SPAG16: variants seen among roughly 807,000 people sequenced by gnomAD.
The protein encoded by SPAG16 is sperm-associated antigen 16 protein.
A neutral mutation model predicts 80.4 loss-of-function variants in SPAG16; 86 were observed. The ratio of observed to expected loss-of-function variants is 1.07; its 90% CI spans 0.90 to 1.28. SPAG16 has a LOEUF of 1.28. SPAG16 is among the 50% of genes most tolerant of loss of function. The probability of loss-of-function intolerance (pLI) is 0.00; values close to 1 mark genes in which losing one functional copy is unlikely to be tolerated. For missense variants in SPAG16, 870 were observed against 765.3 expected (o/e 1.14, Z -1.61); for synonymous variants, 294 against 265.9 (o/e 1.11, Z -1.03).
intron 10 of SPAG16, among the ~76,000 whole-genome samples, chr2:213,577,711 A>G (rs2060175252): frequency 1.3e-5 from 2 of 152,242 alleles, no homozygotes; most frequent in African/African-American, 2.4e-5. Context: ...ATTTTATTCA[A>G]GGTAAGGCAA....
intron 4 of SPAG16, among the ~76,000 whole-genome samples, chr2:213,311,335 A>T (rs1456245758): frequency 1.3e-5 from 2 of 151,776 alleles, no homozygotes; most frequent in African/African-American, 4.8e-5. Context: ...AAAGTGAAAG[A>T]TTAATATGAT....
chr2:214,387,915 G>T (rs1700851562), intron 15 of SPAG16, among the ~76,000 whole-genome samples: 1 of 152,076 alleles, frequency 6.6e-6, no homozygotes, highest in Non-Finnish European at 1.5e-5. Flanking sequence ...TTCAAGATGA[G>T]ATTTGGGTGG....
At chr2:214,086,603 ACCGTGATTATGTTT>A (rs1213275027) in intron 13 of SPAG16, among the ~76,000 whole-genome samples, 1 of 152,032 alleles carries the variant, frequency 6.6e-6, no homozygotes, top group African/African-American at 2.4e-5. Flanking sequence ...GATGCCTTCC[ACCGTGATTATGTTT>A]CCTGAGGCCT....
intron 12 of SPAG16, among the ~76,000 whole-genome samples, chr2:213,985,928 T>C (rs1458780997): frequency 6.6e-6 from 1 of 152,072 alleles, no homozygotes; most frequent in African/African-American, 2.4e-5. Flanking sequence ...TGCTATATTC[T>C]ATGTCATGGA....
chr2:213,653,645 A>G (rs1385812895), intron 10 of SPAG16, among the ~76,000 whole-genome samples: 1 of 152,224 alleles, frequency 6.6e-6, no homozygotes, highest in African/African-American at 2.4e-5. Context: ...ATAGTGGCAA[A>G]TTGTAAGAAA....
chr2:213,345,912 G>T (rs1178938379), intron 6 of SPAG16, among the ~76,000 whole-genome samples: 4 of 152,098 alleles, frequency 2.6e-5, no homozygotes, highest in African/African-American at 9.7e-5. Context: ...TTCCAGTTCT[G>T]TGAAGAAAGT....
At chr2:213,974,573 G>T (rs906096070) in intron 12 of SPAG16, among the ~76,000 whole-genome samples, 3 of 151,838 alleles carry the variant, frequency 2.0e-5, no homozygotes, top group Admixed American at 6.6e-5. Context: ...TTTAGAATCC[G>T]CAATACAAAT....
At chr2:213,538,665 T>G (rs1415080148) in intron 10 of SPAG16, among the ~76,000 whole-genome samples, 1 of 152,150 alleles carries the variant, frequency 6.6e-6, no homozygotes. Context: ...TCTTATCTTT[T>G]TTTCTCCTTT....
intron 10 of SPAG16, among the ~76,000 whole-genome samples, chr2:213,620,506 A>G (rs1451824681): frequency 6.6e-6 from 1 of 151,736 alleles, no homozygotes; most frequent in Non-Finnish European, 1.5e-5. Flanking sequence ...GTTAGCCAGG[A>G]TGGTCTCGAT....
intron 9 of SPAG16, among the ~76,000 whole-genome samples, chr2:213,384,769 A>T (rs757494824): frequency 1.1e-4 from 16 of 152,188 alleles, no homozygotes; most frequent in Non-Finnish European, 1.5e-4. Context: ...CAGTATCCTG[A>T]TCATCCATCC....
chr2:214,260,065 A>G (rs1358819301), intron 15 of SPAG16, among the ~76,000 whole-genome samples: 1 of 152,188 alleles, frequency 6.6e-6, no homozygotes, highest in African/African-American at 2.4e-5. Flanking sequence ...AGCTAAATTA[A>G]AAGAATTATA....
chr2:213,420,699 C>A lies in SPAG16; in HGVS notation c.942+45580C>A, dbSNP rs146160797. Among the ~76,000 whole-genome samples, 1,067 of 152,278 alleles carry A rather than the reference C, an allele frequency of 7.0e-3. 13 individuals are homozygous for A. The highest frequency in any genetic ancestry group is 0.03 in the South Asian group (147 of 4,824). Reference sequence around the variant, plus strand: ...TAGTTCTTTTAATAACCTAATACCACTATGGAGTTTCTAGAAGCAATACAT... The same window carrying A: ...TAGTTCTTTTAATAACCTAATACCAATATGGAGTTTCTAGAAGCAATACAT... On this transcript the variant is annotated intron_variant, in intron 9 of 15. Coordinates refer to ENST00000331683, the MANE Select transcript of SPAG16 (RefSeq NM_024532.5).
At chr2:214,164,580 C>T (rs892145283) in intron 15 of SPAG16, among the ~76,000 whole-genome samples, 2 of 152,148 alleles carry the variant, frequency 1.3e-5, no homozygotes, top group Non-Finnish European at 2.9e-5. Context: ...TTGACTGTGG[C>T]ACCAACGCTG....
At chr2:214,381,156 A>G (rs750918974) in intron 15 of SPAG16, among the ~76,000 whole-genome samples, 20 of 152,238 alleles carry the variant, frequency 1.3e-4, no homozygotes, top group Non-Finnish European at 2.1e-4. Flanking sequence ...TTTAAAGAAT[A>G]CTCAGGGCTT....
chr2:214,272,525 A>T (rs1692111739), intron 15 of SPAG16, among the ~76,000 whole-genome samples: 1 of 152,080 alleles, frequency 6.6e-6, no homozygotes, highest in Non-Finnish European at 1.5e-5. Context: ...CCCACCTATG[A>T]GTGAGAACAT....
intron 13 of SPAG16, among the ~76,000 whole-genome samples, chr2:214,090,979 T>C (rs1394622229): frequency 1.3e-5 from 2 of 152,086 alleles, no homozygotes; most frequent in Non-Finnish European, 2.9e-5. Flanking sequence ...ACTTTTAGTT[T>C]AGTTTCTGAG....
intron 9 of SPAG16, among the ~76,000 whole-genome samples, chr2:213,403,557 C>T (rs111323860): frequency 6.6e-6 from 1 of 151,918 alleles, no homozygotes; most frequent in Non-Finnish European, 1.5e-5. Flanking sequence ...GGTCGTATCT[C>T]AAAATAATAA....
At chr2:213,835,355 AATATAATAAATGT>A (rs1265445323) in intron 10 of SPAG16, among the ~76,000 whole-genome samples, 2 of 152,190 alleles carry the variant, frequency 1.3e-5, no homozygotes, top group African/African-American at 2.4e-5. Flanking sequence ...TTTATAATCT[AATATAATAAATGT>A]TAAATCACAA....
chr2:213,679,703 G>A (rs1332319896), intron 10 of SPAG16, among the ~76,000 whole-genome samples: 1 of 152,054 alleles, frequency 6.6e-6, no homozygotes, highest in African/African-American at 2.4e-5. Context: ...ACTTAAGAAT[G>A]GCATGATACT....
Sources: allele counts gnomAD v4.1 joint callset (sites outside exome capture counted in the v4.1 genomes callset), GRCh38; gene constraint gnomAD v4.1.1; transcripts MANE v1.5; gene names NCBI Gene and HGNC (gene_info 2026-07-23, HGNC 2026-07-21).